Variants in PRKAR2A observed in about 807,000 individuals in gnomAD.
The protein encoded by PRKAR2A is protein kinase cAMP-dependent type II regulatory subunit alpha.
A neutral mutation model predicts 51.9 loss-of-function variants in PRKAR2A; 29 were observed. That is an observed-to-expected ratio of 0.56 (90% confidence interval 0.42 to 0.76). The LOEUF (loss-of-function observed/expected upper bound fraction) is 0.76, where lower values mean the gene tolerates loss of function less well. Ranked by LOEUF, PRKAR2A falls within the 30% of genes least tolerant of loss-of-function variation. The pLI, the probability that PRKAR2A is intolerant of heterozygous loss-of-function variation, is 0.00. For synonymous variants in PRKAR2A, 178 were observed against 186.2 expected (o/e 0.96, Z 0.36); for missense variants, 445 against 512.1 (o/e 0.87, Z 1.26).
At chr3:48,769,978 G>A (rs891913613) in intron 6 of PRKAR2A, among the ~76,000 whole-genome samples, 1 of 152,120 alleles carries the variant, frequency 6.6e-6, no homozygotes, top group African/African-American at 2.4e-5. Context: ...GTTTCACCAC[G>A]TTGCCCATGC....
downstream of PRKAR2A, chr3:48,744,916 C>T (rs558607062): frequency 6.6e-6 from 1 of 152,202 alleles, no homozygotes; most frequent in South Asian, 2.1e-4. Context: ...ACTCTGTTGC[C>T]CAGGCTGGAG....
chr3:48,809,595 C>CAA lies in PRKAR2A; in HGVS notation c.263-1913_263-1912dup, dbSNP rs57623385. On this transcript the variant is annotated intron_variant, in intron 1 of 10. Coordinates refer to ENST00000265563, the MANE Select transcript of PRKAR2A (RefSeq NM_004157.4). ...TCGGTGACAGAGCAAGACTCCATCTCAAAAAAAAAAAAAAAAAAAAAAAAA... is the reference window on the plus strand; with the variant it reads ...TCGGTGACAGAGCAAGACTCCATCTCAAAAAAAAAAAAAAAAAAAAAAAAAAA... Among the ~76,000 whole-genome samples the CAA allele has an allele frequency of 5.0e-3, 247 of 49,362 alleles. 25 individuals are homozygous for CAA. Among genetic ancestry groups the CAA allele is most frequent in the African/African-American group, 0.022 (215 of 9,904 alleles). The allele number at this position is 49,362 out of a possible 152,430, so 32.4% of individuals were successfully genotyped here. A position where few individuals can be genotyped will look rare whatever the true frequency, so the allele number is the denominator to read the frequency against.
chr3:48,755,919 C>A (rs1439050964), intron 9 of PRKAR2A, among the ~76,000 whole-genome samples: 1 of 151,954 alleles, frequency 6.6e-6, no homozygotes, highest in African/African-American at 2.4e-5. Flanking sequence ...GCTGGGACTA[C>A]AGGCGCCCGC....
intron 6 of PRKAR2A, among the ~76,000 whole-genome samples, chr3:48,770,208 A>G (rs1035749798): frequency 2.0e-5 from 3 of 152,152 alleles, no homozygotes; most frequent in Non-Finnish European, 4.4e-5. Flanking sequence ...TGAGCATCCA[A>G]TCGAGCAGTG....
intron 1 of PRKAR2A, among the ~76,000 whole-genome samples, chr3:48,835,104 T>C (rs965553530): frequency 6.6e-6 from 1 of 152,110 alleles, no homozygotes; most frequent in Non-Finnish European, 1.5e-5. Context: ...CCAGAGTTGC[T>C]GGGACTACAG....
chr3:48,756,447 G>A lies in PRKAR2A; in HGVS notation c.874-3C>T. 6.2e-7 allele frequency: 1 copy of A among 1,612,828 alleles called. No homozygotes were observed. Among genetic ancestry groups the A allele is most frequent in the South Asian group, 1.1e-5 (1 of 91,048 alleles). On this transcript the variant is annotated splice_region_variant and splice_polypyrimidine_tract_variant and intron_variant, in intron 8 of 10. Transcript: ENST00000265563. ...TAAAAGCTATCAGCCTTTTCACCCTGAAAGAAAAGAGAGGTCAGGTCAGAG... is the reference window on the plus strand; with the variant it reads ...TAAAAGCTATCAGCCTTTTCACCCTAAAAGAAAAGAGAGGTCAGGTCAGAG...
At chr3:48,751,838 T>C in intron 10 of PRKAR2A, 120 bp from the exon 11 acceptor site, 1 of 1,167,742 alleles carries the variant, frequency 8.6e-7, no homozygotes, top group Non-Finnish European at 1.2e-6. Flanking sequence ...ACCAGCCACT[T>C]GCAAAAAGGG....
chr3:48,764,942 A>G (rs2081916799), intron 8 of PRKAR2A, 62 bp downstream of exon 8: 1 of 1,457,282 alleles, frequency 6.9e-7, no homozygotes, highest in African/African-American at 1.4e-5. Context: ...TTTGAGATAA[A>G]TGATGTACTA....
rs1170707242 is a variant in PRKAR2A at position 48,751,603 on chromosome 3, C to T, written c.1197G>A (p.Leu399=). 1 of 1,612,650 alleles carries T rather than the reference C, an allele frequency of 6.2e-7. No individual in the cohort carries two copies. Among genetic ancestry groups the T allele is most frequent in the Non-Finnish European group, 8.5e-7 (1 of 1,179,244 alleles). ...GGCACACCTACTGCCCGAGGTTGCC[C>T]AGATCCACGCTGGAGCCAAACATCT... The part of the protein sequence containing the change: ...LVKMFGSSVD[L]GNLGQ The change falls in exon 11 of 11, where the codon CTG becomes CTA. Residue 399 remains leucine, a synonymous_variant. Transcript: ENST00000265563.
intron 1 of PRKAR2A, among the ~76,000 whole-genome samples, chr3:48,846,782 G>C (rs1171262461): frequency 2.0e-5 from 3 of 152,316 alleles, no homozygotes; most frequent in Admixed American, 1.3e-4. Context: ...AATGACCTGA[G>C]AGATTTGCTT....
rs113619599 is a variant in PRKAR2A, at chr3:48,774,506, G to GA, written c.543-1399dup. On this transcript the variant is annotated intron_variant, in intron 5 of 10. Coordinates refer to ENST00000265563, the MANE Select transcript of PRKAR2A (RefSeq NM_004157.4). Reference sequence around the variant, plus strand: ...TATGGAGACTTCTCTCCACAAAAAGGAAAAAAAAAAGACATTAAAATTTAT... The same window carrying GA: ...TATGGAGACTTCTCTCCACAAAAAGGAAAAAAAAAAAGACATTAAAATTTAT... 2.7e-4 allele frequency among the ~76,000 whole-genome samples: 40 copies of GA among 146,288 alleles called. 1 individual carries two copies. The highest frequency in any genetic ancestry group is 1.6e-3 in the Admixed American group (23 of 14,628).
chr3:48,835,655 A>C (rs1378781356), intron 1 of PRKAR2A, among the ~76,000 whole-genome samples: 1 of 151,252 alleles, frequency 6.6e-6, no homozygotes, highest in Non-Finnish European at 1.5e-5. Context: ...AAAAAAAAAA[A>C]AAAGCCAGGT....
intron 6 of PRKAR2A, among the ~76,000 whole-genome samples, chr3:48,766,089 T>A (rs1487630840): frequency 6.6e-6 from 1 of 152,016 alleles, no homozygotes; most frequent in African/African-American, 2.4e-5. Flanking sequence ...TAGCTGGGCA[T>A]GGTGGCACTT....
At chr3:48,796,600 T>C (rs1361026334) in intron 2 of PRKAR2A, among the ~76,000 whole-genome samples, 1 of 152,032 alleles carries the variant, frequency 6.6e-6, no homozygotes, top group Non-Finnish European at 1.5e-5. Context: ...GTTCAAGCGA[T>C]TCTCCTGCTT....
intron 3 of PRKAR2A, among the ~76,000 whole-genome samples, chr3:48,792,550 C>G (rs2082408232): frequency 6.7e-6 from 1 of 148,666 alleles, no homozygotes; most frequent in Admixed American, 6.8e-5. Context: ...CAACCTCGGC[C>G]TCCCAGGTTC....
chr3:48,828,838 T>C (rs1048930187), intron 1 of PRKAR2A, among the ~76,000 whole-genome samples: 4 of 151,880 alleles, frequency 2.6e-5, no homozygotes, highest in African/African-American at 9.7e-5. Context: ...TTTTTTCTTG[T>C]TTTTTGTTTG....
Position 48,773,103 on chromosome 3 carries a change from G to T in PRKAR2A, c.548C>A (p.Thr183Asn). ...ATCTTTTGTTACTAAAATGTCATAA[G>T]TTCCCCTAGAAGAATGACAAAGAAT... ...GDNFYVIERG[T>N]YDILVTKDNQ... is the part of the protein sequence containing the mutation. The change falls in exon 6 of 11, where the codon ACT becomes AAT. Residue 183 changes from threonine (T) to asparagine (N), a missense_variant. Thr to Asn is a moderately conservative substitution (Grantham distance 65). Transcript: ENST00000265563. 2 of 1,605,458 alleles carry T rather than the reference G, an allele frequency of 1.2e-6. No homozygotes were observed. The highest frequency in any genetic ancestry group is 1.7e-6 in the Non-Finnish European group (2 of 1,174,406).
chr3:48,767,939 C>A (rs1322103897), intron 6 of PRKAR2A, among the ~76,000 whole-genome samples: 1 of 148,998 alleles, frequency 6.7e-6, no homozygotes, highest in Non-Finnish European at 1.5e-5. Context: ...AAAAAACAAA[C>A]AAAAAAACCC....
intron 2 of PRKAR2A, among the ~76,000 whole-genome samples, chr3:48,800,334 G>A (rs971023227): frequency 1.3e-4 from 19 of 151,048 alleles, no homozygotes; most frequent in South Asian, 6.3e-4. Flanking sequence ...CCAATACGGC[G>A]AAACCCTGTC....
Sources: allele counts gnomAD v4.1 joint callset (sites outside exome capture counted in the v4.1 genomes callset), GRCh38; gene constraint gnomAD v4.1.1; transcripts MANE v1.5; gene names NCBI Gene and HGNC (gene_info 2026-07-23, HGNC 2026-07-21).